DAGLB: variants seen among roughly 807,000 people sequenced by gnomAD.
The protein encoded by DAGLB is diacylglycerol lipase-beta.
Under a neutral mutation model 72.1 loss-of-function variants are expected in DAGLB, and 66 were observed. The ratio of observed to expected loss-of-function variants is 0.92; its 90% CI spans 0.75 to 1.12. The LOEUF (loss-of-function observed/expected upper bound fraction) is 1.12, where lower values mean the gene tolerates loss of function less well. Among genes scored for constraint, DAGLB ranks in the 50% most tolerant of loss-of-function variants. The pLI is 0.00. For missense variants in DAGLB, 1,065 were observed against 884.9 expected, an observed-to-expected ratio of 1.20 and a Z score of -2.58; for synonymous variants, 414 against 359.5, an observed-to-expected ratio of 1.15 and a Z score of -1.71.
Position 6,410,206 on chromosome 7 carries a change from C to G in DAGLB, c.1744G>C (p.Asp582His). The G allele has an allele frequency of 6.2e-7, 1 of 1,607,416 alleles. No homozygotes were observed. Among genetic ancestry groups the G allele is most frequent in the Non-Finnish European group, 8.5e-7 (1 of 1,176,532 alleles). ...AYSFSSDSPL[D>H]SSPKYPPLYP... ...AGAGGGGGGTACTTGGGAGAAGAGT[C>G]CAGTGGGGAGTCGCTGGAGAAGCTG... The change falls in exon 14 of 15, where the codon GAC (aspartate) becomes CAC (histidine). Residue 582 changes from aspartate (D) to histidine (H), a missense_variant. Physicochemically the swap from Asp to His is moderately conservative, Grantham distance 81 (BLOSUM62 -1). Coordinates refer to ENST00000297056, the MANE Select transcript of DAGLB (RefSeq NM_139179.4).
chr7:6,447,659 G>A, intron 1 of DAGLB, 89 bp downstream of exon 1: 1 of 1,494,130 alleles, frequency 6.7e-7, no homozygotes, highest in Non-Finnish European at 9.0e-7. Flanking sequence ...CAGTGCTTGG[G>A]AAGCCACTTC....
chr7:6,425,925 C>G lies in DAGLB; in HGVS notation c.1056+63G>C, dbSNP rs1468888723. On this transcript the variant is annotated intron_variant, in intron 7 of 14. Transcript: ENST00000297056. ...GGGAAGAATAATTCATAACTTCCAT[C>G]AGAATCTCTAACAGCTCCAGGACCC... The G allele has an allele frequency of 3.1e-6, 5 of 1,597,956 alleles. No homozygotes were observed. The East Asian group carries it at 6.7e-5, about 22-fold the overall frequency.
chr7:6,414,311 A>AT (rs532628215), intron 11 of DAGLB, among the ~76,000 whole-genome samples: 14,911 of 135,520 alleles, frequency 0.11, 1,794 homozygotes, highest in African/African-American at 0.31. Flanking sequence ...CACCCGGCCA[A>AT]TTTTTTTTTT....
chr7:6,414,803 C>G (rs190399534), intron 11 of DAGLB, among the ~76,000 whole-genome samples: 1 of 152,012 alleles, frequency 6.6e-6, no homozygotes, highest in Admixed American at 6.6e-5. Flanking sequence ...ACGGTTGATT[C>G]CAGATATGGA....
chr7:6,420,435 A>C (rs1310903068), intron 9 of DAGLB, among the ~76,000 whole-genome samples: 1 of 124,820 alleles, frequency 8.0e-6, no homozygotes, highest in Non-Finnish European at 1.5e-5. Context: ...GCAAGACTCC[A>C]TCTCAAAAAA....
chr7:6,413,638 A>AG (rs1562477977), intron 11 of DAGLB, among the ~76,000 whole-genome samples: 2 of 151,666 alleles, frequency 1.3e-5, no homozygotes, highest in African/African-American at 4.8e-5. Flanking sequence ...TCAAAAGAAA[A>AG]AAAAAAAAAA....
At position 6,432,951 on chromosome 7, in the gene DAGLB, A is replaced by G; in HGVS notation, c.687T>C (p.Asp229=). ...ELFSTYFSDT[D]LVPSDIAAGL... ...CCGCCGCAATGTCGCTGGGCACCAG[A>G]TCTGTGTCCTGGGTGGGAAACCACA... The change falls in exon 5 of 15, where the codon GAT becomes GAC. Residue 229 remains aspartate, a synonymous_variant. Transcript: ENST00000297056. The G allele has an allele frequency of 6.2e-7, 1 of 1,613,608 alleles. No individual in the cohort carries two copies.
intron 2 of DAGLB, among the ~76,000 whole-genome samples, chr7:6,439,776 G>A (rs558586526): frequency 2.0e-5 from 3 of 152,160 alleles, no homozygotes; most frequent in Non-Finnish European, 4.4e-5. Context: ...ACTAGGCCGG[G>A]TGCGGTGGCT....
intron 13 of DAGLB, 155 bp downstream of exon 13, chr7:6,412,656 G>A (rs1783766490): frequency 7.2e-6 from 6 of 839,026 alleles, no homozygotes; most frequent in Non-Finnish European, 7.6e-6. Context: ...ACATCACAGA[G>A]TCCTAGCCCA....
chr7:6,410,807 C>T (rs532543487), intron 13 of DAGLB, among the ~76,000 whole-genome samples: 2 of 152,078 alleles, frequency 1.3e-5, no homozygotes, highest in East Asian at 1.9e-4. Context: ...CGAATTCAAG[C>T]GATTCTCCTA....
In DAGLB at chr7:6,434,935, C is replaced by G. The variant is rs764347543; in HGVS notation, c.505G>C (p.Gly169Arg). 4 of 1,613,950 alleles carry G rather than the reference C, an allele frequency of 2.5e-6. No homozygotes were observed. In the East Asian group the frequency reaches 6.7e-5, roughly 27 times the overall value. ...GGKMAPYSSAGPSHLDSHDSS... is the reference protein window; with the variant it reads ...GGKMAPYSSARPSHLDSHDSS... ...TCATGACTATCCAGGTGGCTGGGGC[C>G]GGCAGAGGAATATGGAGCCATTTTC... Residue 169 changes from glycine (G) to arginine (R), a missense_variant, in exon 4 of 15, where the codon GGC becomes CGC. Gly to Arg is a moderately radical substitution (Grantham distance 125). Coordinates refer to ENST00000297056, the MANE Select transcript of DAGLB (RefSeq NM_139179.4).
chr7:6,416,765 G>T lies in DAGLB; in HGVS notation c.1300-11C>A. On this transcript the variant is annotated splice_polypyrimidine_tract_variant and intron_variant, in intron 10 of 14. Transcript: ENST00000297056. ...GACCAGCCGGTACTCCTAGAGGACA[G>T]ACAGCAGAATGAGGTGAAGGGTAAA... 1 of 1,613,974 alleles carries T rather than the reference G, an allele frequency of 6.2e-7. No individual in the cohort carries two copies. The highest frequency in any genetic ancestry group is 1.1e-5 in the South Asian group (1 of 91,070).
At chr7:6,420,304 G>C (rs906740011) in intron 9 of DAGLB, among the ~76,000 whole-genome samples, 1 of 152,014 alleles carries the variant, frequency 6.6e-6, no homozygotes, top group Admixed American at 6.6e-5. Flanking sequence ...GCTGGGTGTG[G>C]TGACGTGCGC....
At chr7:6,419,982 A>C (rs1482925534) in intron 9 of DAGLB, among the ~76,000 whole-genome samples, 2 of 152,122 alleles carry the variant, frequency 1.3e-5, no homozygotes, top group Non-Finnish European at 1.5e-5. Context: ...ATCTCTACAA[A>C]ATAAAAAGTA....
At chr7:6,434,167 C>T (rs940719765) in intron 4 of DAGLB, among the ~76,000 whole-genome samples, 1 of 151,914 alleles carries the variant, frequency 6.6e-6, no homozygotes, top group Non-Finnish European at 1.5e-5. Context: ...TCCTCCCTTA[C>T]CTCATCTCAG....
intron 7 of DAGLB, among the ~76,000 whole-genome samples, chr7:6,425,205 CG>C (rs1784265739): frequency 6.6e-6 from 1 of 152,128 alleles, no homozygotes; most frequent in African/African-American, 2.4e-5. Context: ...CCTCCCGCTG[CG>C]GTGCCTATGA....
At chr7:6,437,476 G>C (rs921391031) in intron 2 of DAGLB, among the ~76,000 whole-genome samples, 4 of 152,134 alleles carry the variant, frequency 2.6e-5, no homozygotes, top group African/African-American at 7.2e-5. Flanking sequence ...CTCTTGCCCA[G>C]GCTGGAGTGT....
intron 14 of DAGLB, 27 bp from the exon 15 acceptor site, chr7:6,410,062 C>T (rs1437514825): frequency 6.2e-7 from 1 of 1,601,348 alleles, no homozygotes; most frequent in Non-Finnish European, 8.5e-7. Context: ...GAGACAGCTC[C>T]CACGCGGCCC....
At chr7:6,441,399 A>G (rs1784828044) in intron 2 of DAGLB, among the ~76,000 whole-genome samples, 1 of 145,174 alleles carries the variant, frequency 6.9e-6, no homozygotes. Context: ...CCACAAACTG[A>G]CAATTAAACA....
Sources: allele counts gnomAD v4.1 joint callset (sites outside exome capture counted in the v4.1 genomes callset), GRCh38; gene constraint gnomAD v4.1.1; transcripts MANE v1.5; gene names NCBI Gene and HGNC (gene_info 2026-07-23, HGNC 2026-07-21).